The following BZW2 variants were observed in gnomAD, a reference collection of about 807,000 sequenced individuals.
BZW2 encodes basic leucine zipper and W2 domains 2.
BZW2 carries 23 observed loss-of-function variants against 53.2 expected under a neutral mutation model. That is an observed-to-expected ratio of 0.43 (90% confidence interval 0.31 to 0.61). The LOEUF (loss-of-function observed/expected upper bound fraction) is 0.61. BZW2 is among the 20% of genes least tolerant of loss of function. The probability of loss-of-function intolerance (pLI) is 0.09; values close to 1 mark genes in which losing one functional copy is unlikely to be tolerated. For synonymous variants in BZW2, 227 were observed against 186.4 expected, an observed-to-expected ratio of 1.22 and a Z score of -1.77; for missense variants, 409 against 503.1, an observed-to-expected ratio of 0.81 and a Z score of 1.79.
At chr7:16,676,563 C>A (rs1782771499) in intron 3 of BZW2, among the ~76,000 whole-genome samples, 1 of 146,072 alleles carries the variant, frequency 6.8e-6, no homozygotes, top group Non-Finnish European at 1.5e-5. Context: ...ATTATGAGTT[C>A]CTATTTACAT....
chr7:16,672,671 A>G (rs755070341), intron 2 of BZW2, among the ~76,000 whole-genome samples: 8 of 152,140 alleles, frequency 5.3e-5, no homozygotes, highest in Non-Finnish European at 7.4e-5. Context: ...CAGACCCTTT[A>G]CCTTTAATCC....
chr7:16,680,149 A>G (rs1428861505), intron 3 of BZW2, among the ~76,000 whole-genome samples: 2 of 152,138 alleles, frequency 1.3e-5, no homozygotes, highest in Non-Finnish European at 2.9e-5. Flanking sequence ...CAATTGTAAT[A>G]GCTACCCAAG....
At chr7:16,673,549 C>G (rs904899604) in intron 2 of BZW2, among the ~76,000 whole-genome samples, 1 of 151,970 alleles carries the variant, frequency 6.6e-6, no homozygotes, top group Admixed American at 6.6e-5. Flanking sequence ...TAAATAAATA[C>G]TATAAAATGT....
At chr7:16,665,033 C>T (rs187785261) in intron 1 of BZW2, among the ~76,000 whole-genome samples, 12 of 152,202 alleles carry the variant, frequency 7.9e-5, no homozygotes, top group Admixed American at 2.6e-4. Context: ...GTATTTATGC[C>T]GGGCGCCGTG....
intron 1 of BZW2, among the ~76,000 whole-genome samples, chr7:16,661,911 T>C (rs1782274960): frequency 6.6e-6 from 1 of 152,162 alleles, no homozygotes; most frequent in Non-Finnish European, 1.5e-5. Context: ...GTTAAACTTT[T>C]ATTTTTTTAA....
chr7:16,683,169 C>T (rs904079565), intron 5 of BZW2, among the ~76,000 whole-genome samples: 1 of 152,084 alleles, frequency 6.6e-6, no homozygotes, highest in East Asian at 1.9e-4. Context: ...GCACTCCAGC[C>T]TGGGCAACAG....
At chr7:16,674,353 G>A in intron 2 of BZW2, 59 bp from the exon 3 acceptor site, 2 of 1,314,542 alleles carry the variant, frequency 1.5e-6, no homozygotes, top group South Asian at 1.8e-5. Flanking sequence ...AGTTTTGATT[G>A]TTATACTCTC....
chr7:16,696,374 A>T (rs967505692), intron 8 of BZW2, among the ~76,000 whole-genome samples: 1 of 152,236 alleles, frequency 6.6e-6, no homozygotes, highest in Non-Finnish European at 1.5e-5. Flanking sequence ...GAATTGATGT[A>T]TATGAAATTT....
chr7:16,648,781 TCTC>T (rs1205996649), intron 1 of BZW2, among the ~76,000 whole-genome samples: 2 of 152,144 alleles, frequency 1.3e-5, no homozygotes, highest in African/African-American at 4.8e-5. Flanking sequence ...TTCCTGCTTT[TCTC>T]CTCCTCTGAA....
At chr7:16,697,145 A>G in intron 9 of BZW2, 84 bp downstream of exon 9, 1 of 1,444,916 alleles carries the variant, frequency 6.9e-7, no homozygotes, top group South Asian at 1.3e-5. Context: ...TTGAGAGTGC[A>G]GTGGCACGAT....
At chr7:16,677,477 G>A (rs34772845) in intron 3 of BZW2, among the ~76,000 whole-genome samples, 27,733 of 152,128 alleles carry the variant, frequency 0.18, 2,814 homozygotes, top group East Asian at 0.38. Context: ...CTGAATTGAG[G>A]TGTAGTAGGG....
intron 10 of BZW2, among the ~76,000 whole-genome samples, chr7:16,703,990 T>G (rs1295461249): frequency 6.6e-6 from 1 of 151,942 alleles, no homozygotes; most frequent in African/African-American, 2.4e-5. Flanking sequence ...GTGTAGAACT[T>G]CAGTTTAGGT....
chr7:16,693,288 A>G (rs1411664209), intron 7 of BZW2, among the ~76,000 whole-genome samples: 1 of 152,228 alleles, frequency 6.6e-6, no homozygotes. Flanking sequence ...ATGACATGGT[A>G]TGATTTAGAC....
chr7:16,698,905 T>C (rs897340323), intron 10 of BZW2, among the ~76,000 whole-genome samples: 14 of 152,240 alleles, frequency 9.2e-5, no homozygotes, highest in Admixed American at 7.2e-4. Context: ...TTTTATGTTA[T>C]TATGTTCATA....
intron 1 of BZW2, among the ~76,000 whole-genome samples, chr7:16,655,127 GAT>G (rs1372269074): frequency 6.6e-6 from 1 of 152,092 alleles, no homozygotes; most frequent in Non-Finnish European, 1.5e-5. Flanking sequence ...GACTCTGAAT[GAT>G]CTCTGGCGAC....
intron 6 of BZW2, among the ~76,000 whole-genome samples, 173 bp from the exon 7 acceptor site, chr7:16,689,624 C>T (rs988109445): frequency 1.3e-5 from 2 of 152,122 alleles, no homozygotes; most frequent in African/African-American, 4.8e-5. Context: ...TGAAAATGTT[C>T]TAGTTTGAGT....
chr7:16,666,486 T>G (rs1782432570), intron 2 of BZW2, among the ~76,000 whole-genome samples: 1 of 151,732 alleles, frequency 6.6e-6, no homozygotes, highest in Non-Finnish European at 1.5e-5. Context: ...CACTGCAACC[T>G]CCTCCTCCCA....
intron 6 of BZW2, among the ~76,000 whole-genome samples, chr7:16,688,975 C>T (rs1222731630): frequency 2.0e-5 from 3 of 152,128 alleles, no homozygotes; most frequent in African/African-American, 7.2e-5. Flanking sequence ...CCTGCAATCC[C>T]AGCAATTTGG....
intron 3 of BZW2, among the ~76,000 whole-genome samples, chr7:16,679,029 G>A (rs562499583): frequency 7.2e-5 from 11 of 152,162 alleles, no homozygotes; most frequent in African/African-American, 2.4e-4. Context: ...TGTCCCGCTG[G>A]GCACACACTG....
Sources: gnomAD v4.1 joint callset for allele counts (sites outside exome capture counted in the v4.1 genomes callset) on GRCh38, gnomAD v4.1.1 for gene constraint, MANE v1.5 for transcripts, NCBI Gene and HGNC (gene_info 2026-07-23, HGNC 2026-07-21) for gene names.